Variants in JAKMIP1 observed in about 807,000 individuals in gnomAD.
JAKMIP1 encodes janus kinase and microtubule-interacting protein 1.
In JAKMIP1, 33 loss-of-function variants were observed where a neutral mutation model predicts 113.0. That is an observed-to-expected ratio of 0.29 (90% CI 0.22 to 0.39). The LOEUF (loss-of-function observed/expected upper bound fraction) is 0.39, where lower values mean the gene tolerates loss of function less well. Among genes scored for constraint, JAKMIP1 ranks in the 10% least tolerant of loss-of-function variants. JAKMIP1 has a pLI of 1.00. For missense variants in JAKMIP1, 813 were observed against 1,080.5 expected (o/e 0.75, Z 3.47); for synonymous variants, 480 against 459.9 (o/e 1.04, Z -0.56).
At chr4:6,063,083 A>G (rs1477045592) in intron 9 of JAKMIP1, among the ~76,000 whole-genome samples, 1 of 152,122 alleles carries the variant, frequency 6.6e-6, no homozygotes, top group Non-Finnish European at 1.5e-5. Flanking sequence ...TGGAGGTTGC[A>G]GTAAGCCGAG....
chr4:6,098,592 A>T (rs949611603), intron 3 of JAKMIP1, among the ~76,000 whole-genome samples: 2 of 144,204 alleles, frequency 1.4e-5, no homozygotes, highest in Non-Finnish European at 3.1e-5. Flanking sequence ...GAAGGAAAGG[A>T]AGAAAGAAAG....
Position 6,086,065 on chromosome 4 carries a change from A to G in JAKMIP1, c.625-436T>C, listed in dbSNP as rs1721251906. ...TGGCCACAACTCCCCAACCCTCACC[A>G]CCAGACAGCTCCTGCCAAGGTCACC... On this transcript the variant is annotated intron_variant, in intron 3 of 20. Coordinates refer to ENST00000409021, the MANE Select transcript of JAKMIP1 (RefSeq NM_001099433.2). This position sits in a 1 kb window ranked among gnomAD's most constrained non-coding sequence, Gnocchi z 4.1. Among the ~76,000 whole-genome samples, 1 of 151,116 alleles carries G rather than the reference A, an allele frequency of 6.6e-6. No individual in the cohort carries two copies. Among genetic ancestry groups the G allele is most frequent in the African/African-American group, 2.4e-5 (1 of 41,014 alleles).
rs1347149450 is a variant in JAKMIP1 at position 6,050,240 on chromosome 4, T to G, written c.1908+338A>C. 6.6e-6 allele frequency among the ~76,000 whole-genome samples: 1 copy of G among 152,198 alleles called. No homozygotes were observed. Among genetic ancestry groups the G allele is most frequent in the African/African-American group, 2.4e-5 (1 of 41,464 alleles). On this transcript the variant is annotated intron_variant, in intron 14 of 20. Coordinates refer to ENST00000409021, the MANE Select transcript of JAKMIP1 (RefSeq NM_001099433.2). This position sits in a 1 kb window ranked among gnomAD's most constrained non-coding sequence, Gnocchi z 7.4. ...GGCAGAGGGCCAGGCACTTGGAGTC[T>G]GTTCATGATGTGTCATCACCCCAGC...
chr4:6,045,316 T>C (rs982999457), intron 16 of JAKMIP1, among the ~76,000 whole-genome samples: 2 of 152,154 alleles, frequency 1.3e-5, no homozygotes, highest in Non-Finnish European at 2.9e-5. Context: ...TTATAAACCC[T>C]CCAATGTCTC....
At chr4:6,151,655 G>A (rs910795627) in intron 1 of JAKMIP1, among the ~76,000 whole-genome samples, 1 of 152,170 alleles carries the variant, frequency 6.6e-6, no homozygotes, top group Non-Finnish European at 1.5e-5. Context: ...CTCCTGGCTG[G>A]AACCACCTGT....
At chr4:6,189,605 T>C (rs1169955575) in intron 1 of JAKMIP1, among the ~76,000 whole-genome samples, 1 of 152,114 alleles carries the variant, frequency 6.6e-6, no homozygotes, top group Non-Finnish European at 1.5e-5. Flanking sequence ...GGAGTCCCAG[T>C]GTGAATCAGA....
rs9992019 is a variant in JAKMIP1 at position 6,178,358 on chromosome 4, C to T, written c.-148+21895G>A. Among the ~76,000 whole-genome samples, 28,225 of 152,132 alleles carry T rather than the reference C, an allele frequency of 0.19. 2,888 individuals are homozygous for T. Among genetic ancestry groups the T allele is most frequent in the Non-Finnish European group, 0.23 (15,539 of 67,978 alleles). ...AATCCCCATGTGTGGTGGGAGGGAC[C>T]TCTCGGGAGGTAATTGAATCATGGG... On this transcript the variant is annotated intron_variant, in intron 1 of 20. Coordinates refer to ENST00000409021, the MANE Select transcript of JAKMIP1 (RefSeq NM_001099433.2). The surrounding 1 kb of genome is among the most constrained non-coding windows in gnomAD (Gnocchi z 5.5).
rs1725846446 is a variant in JAKMIP1 at position 6,180,122 on chromosome 4, AG to A, written c.-148+20130del. ...ACAGAAAATTAAGTGCCACTGAATTAGCCCCAACACTTTCATAAACAGCAGT... is the reference window on the plus strand; with the variant it reads ...ACAGAAAATTAAGTGCCACTGAATTACCCCAACACTTTCATAAACAGCAGT... On this transcript the variant is annotated intron_variant, in intron 1 of 20. Coordinates refer to ENST00000409021, the MANE Select transcript of JAKMIP1 (RefSeq NM_001099433.2). This position sits in a 1 kb window ranked among gnomAD's most constrained non-coding sequence, Gnocchi z 4.5. Among the ~76,000 whole-genome samples the A allele has an allele frequency of 6.6e-6, 1 of 152,246 alleles. No homozygotes were observed. The highest frequency in any genetic ancestry group is 2.1e-4 in the South Asian group (1 of 4,834).
chr4:6,098,607 A>AG (rs1712314316), intron 3 of JAKMIP1, among the ~76,000 whole-genome samples: 1 of 147,362 alleles, frequency 6.8e-6, no homozygotes, highest in African/African-American at 2.6e-5. Flanking sequence ...AGAAAGGAAG[A>AG]AAAGAAAGAA....
At chr4:6,041,689 A>C (rs1714331250) in intron 17 of JAKMIP1, among the ~76,000 whole-genome samples, 1 of 152,218 alleles carries the variant, frequency 6.6e-6, no homozygotes, top group Non-Finnish European at 1.5e-5. Flanking sequence ...GGAATTTCCC[A>C]TTCATCAATG....
At chr4:6,060,363 G>C (rs1019960165) in intron 11 of JAKMIP1, 61 bp downstream of exon 11, 11 of 1,299,138 alleles carry the variant, frequency 8.5e-6, no homozygotes, top group African/African-American at 2.9e-5. Flanking sequence ...GCGAGCCCCA[G>C]GGATACCACC....
At position 6,112,898 on chromosome 4, in the gene JAKMIP1, C is replaced by A; in HGVS notation, c.-48G>T. 1 of 1,587,188 alleles carries A rather than the reference C, an allele frequency of 6.3e-7. No homozygotes were observed. The highest frequency in any genetic ancestry group is 1.1e-5 in the South Asian group (1 of 89,354). Reference sequence around the variant, plus strand: ...TGAGATCCTGCGGTCCACACCTGTTCACGCACGCCAGCCAGCAGGCGTGGC... The same window carrying A: ...TGAGATCCTGCGGTCCACACCTGTTAACGCACGCCAGCCAGCAGGCGTGGC... On this transcript the variant is annotated 5_prime_UTR_variant, in exon 2 of 21. The change abolishes the stop of an existing upstream ORF in the 5' untranslated region. Coordinates refer to ENST00000409021, the MANE Select transcript of JAKMIP1 (RefSeq NM_001099433.2).
chr4:6,155,037 C>T lies in JAKMIP1; in HGVS notation c.-147-42040G>A, dbSNP rs144486007. ...GATAAAGGAATTTAAAGCTCATTCC[C>T]GAGCAGTGGGAAGACAGTCGGGAGA... On this transcript the variant is annotated intron_variant, in intron 1 of 20. Coordinates refer to ENST00000409021, the MANE Select transcript of JAKMIP1 (RefSeq NM_001099433.2). This position sits in a 1 kb window ranked among gnomAD's most constrained non-coding sequence, Gnocchi z 6.1. 8.5e-5 allele frequency among the ~76,000 whole-genome samples: 13 copies of T among 152,216 alleles called. No homozygotes were observed. The highest frequency in any genetic ancestry group is 7.8e-4 in the Admixed American group (12 of 15,302).
At chr4:6,085,117 A>C (rs1578190125) in intron 4 of JAKMIP1, 152 bp from the exon 5 acceptor site, 5 of 1,001,824 alleles carry the variant, frequency 5.0e-6, no homozygotes, top group Non-Finnish European at 5.7e-6. Context: ...GGAACACCCA[A>C]GCCCACTGCA....
At chr4:6,085,285 A>G in intron 4 of JAKMIP1, 135 bp downstream of exon 4, 1 of 818,130 alleles carries the variant, frequency 1.2e-6, no homozygotes. Context: ...AACTTATAAC[A>G]TCCCCTCCAA....
rs554100777 is a variant in JAKMIP1, at chr4:6,081,516, G to A, written c.1101+93C>T. ...TTGTGGGGAGGTGGGCAGCAGGTGC[G>A]CCCCAGAACATGTGAATCGGGAGGT... On this transcript the variant is annotated intron_variant, in intron 6 of 20. Transcript: ENST00000409021. This position sits in a 1 kb window ranked among gnomAD's most constrained non-coding sequence, Gnocchi z 4.6. 311 of 1,434,852 alleles carry A rather than the reference G, an allele frequency of 2.2e-4. 1 individual carries two copies. Among genetic ancestry groups the A allele is most frequent in the South Asian group, 4.4e-4 (34 of 77,758 alleles). 88.9% of individuals were successfully genotyped at this position (1,434,852 alleles called of 1,614,324 possible).
chr4:6,146,754 T>C (rs1016229498), intron 1 of JAKMIP1, among the ~76,000 whole-genome samples: 1 of 152,140 alleles, frequency 6.6e-6, no homozygotes, highest in Non-Finnish European at 1.5e-5. Flanking sequence ...GCACAGATGT[T>C]GGTATTTTTC....
chr4:6,161,370 G>C (rs961171587), intron 1 of JAKMIP1, among the ~76,000 whole-genome samples: 4 of 143,932 alleles, frequency 2.8e-5, no homozygotes, highest in African/African-American at 1.2e-4. Context: ...CACTTTTTGT[G>C]GTCCGACCTA....
At chr4:6,041,538 CCTCCCCAGG>C (rs1239033549) in intron 17 of JAKMIP1, among the ~76,000 whole-genome samples, 1 of 152,172 alleles carries the variant, frequency 6.6e-6, no homozygotes, top group Non-Finnish European at 1.5e-5. Flanking sequence ...CCTTCTCTGT[CCTCCCCAGG>C]CTCCCCATAC....
Sources: allele counts gnomAD v4.1 joint callset (sites outside exome capture counted in the v4.1 genomes callset), GRCh38; gene constraint gnomAD v4.1.1; non-coding constraint Gnocchi (gnomAD v3.1); transcripts MANE v1.5; gene names NCBI Gene and HGNC (gene_info 2026-07-23, HGNC 2026-07-21).